PDE11A: variants seen among roughly 807,000 people sequenced by gnomAD.
PDE11A encodes the protein phosphodiesterase 11A, also known as dual 3',5'-cyclic-AMP and -GMP phosphodiesterase 11A.
In PDE11A, 100 loss-of-function variants were observed where a neutral mutation model predicts 100.5. The ratio of observed to expected loss-of-function variants is 1.00; its 90% CI spans 0.85 to 1.18. The LOEUF is 1.18. Ranked by LOEUF, PDE11A falls within the 50% of genes most tolerant of loss-of-function variation. PDE11A has a pLI of 0.00. For missense variants in PDE11A, 1,141 were observed against 1,152.6 expected (o/e 0.99, Z 0.15); for synonymous variants, 381 against 420.8 (o/e 0.91, Z 1.16).
intron 5 of PDE11A, among the ~76,000 whole-genome samples, chr2:177,849,714 C>T (rs1209113112): frequency 4.0e-5 from 6 of 150,750 alleles, no homozygotes; most frequent in South Asian, 2.1e-4. Context: ...GGCGTGAACC[C>T]GGGAGGTGGA....
chr2:177,791,622 C>G (rs1238859230), intron 9 of PDE11A, among the ~76,000 whole-genome samples: 1 of 151,402 alleles, frequency 6.6e-6, no homozygotes, highest in African/African-American at 2.4e-5. Context: ...GTTTATTTGA[C>G]TTTTGCTTAC....
At chr2:177,730,869 T>C (rs376071016) in intron 10 of PDE11A, among the ~76,000 whole-genome samples, 15 of 152,230 alleles carry the variant, frequency 9.9e-5, no homozygotes, top group South Asian at 2.1e-4. Flanking sequence ...TATATGCACA[T>C]TGTCATACAA....
chr2:178,084,385 T>G (rs569222741), intron 2 of PDE11A, among the ~76,000 whole-genome samples: 1 of 152,356 alleles, frequency 6.6e-6, no homozygotes, highest in African/African-American at 2.4e-5. Context: ...GTTATCTAAT[T>G]TCTTCATGCT....
At chr2:177,915,728 G>A (rs2084942873) in intron 2 of PDE11A, among the ~76,000 whole-genome samples, 1 of 152,170 alleles carries the variant, frequency 6.6e-6, no homozygotes, top group Non-Finnish European at 1.5e-5. Flanking sequence ...TGCAATTGCT[G>A]GATTGCATGG....
chr2:177,874,002 T>C (rs1246587502), intron 5 of PDE11A, among the ~76,000 whole-genome samples: 1 of 152,182 alleles, frequency 6.6e-6, no homozygotes, highest in East Asian at 1.9e-4. Flanking sequence ...GTGTATGTTC[T>C]GAGAATTTAG....
At chr2:178,014,239 A>G (rs921499675) in intron 2 of PDE11A, 63 bp downstream of exon 2, 108 of 1,256,292 alleles carry the variant, frequency 8.6e-5, no homozygotes, top group Non-Finnish European at 2.0e-5. Context: ...CTGTCTTTTA[A>G]AGGAGAATAG....
At chr2:177,996,070 T>C (rs995926031) in intron 2 of PDE11A, among the ~76,000 whole-genome samples, 17 of 151,836 alleles carry the variant, frequency 1.1e-4, no homozygotes, top group Non-Finnish European at 1.9e-4. Context: ...CTACTAAAAA[T>C]ACAAAAATCA....
chr2:177,811,653 G>C, intron 9 of PDE11A, among the ~76,000 whole-genome samples: 1 of 151,952 alleles, frequency 6.6e-6, no homozygotes, highest in Non-Finnish European at 1.5e-5. Flanking sequence ...GGACTGCCTT[G>C]CATGGTAAGT....
chr2:177,805,993 T>G (rs988890540), intron 9 of PDE11A, among the ~76,000 whole-genome samples: 1 of 152,150 alleles, frequency 6.6e-6, no homozygotes, highest in Non-Finnish European at 1.5e-5. Context: ...TGGGACCAAT[T>G]GGTTACATAG....
At chr2:177,749,193 T>TTTTGTTTGTTTGTTTG (rs4019842) in intron 10 of PDE11A, among the ~76,000 whole-genome samples, 24 of 149,870 alleles carry the variant, frequency 1.6e-4, no homozygotes, top group East Asian at 8.0e-4. Flanking sequence ...AATACAGGAG[T>TTTTGTTTGTTTGTTTG]TTTGTTTGTT....
Position 177,629,493 on chromosome 2 carries a change from C to T in PDE11A, c.2716G>A (p.Glu906Lys), listed in dbSNP as rs2079885341. ...AGCAGTCGTTTTTGGTGTAGCTCTT[C>T]CCACTTACTTCTGTTTGTAGCTACT... ...DSVATNRSKW[E>K]ELHQKRLLAS... Residue 906 changes from glutamate (E) to lysine (K), a missense_variant, in exon 20 of 20, where the codon GAA becomes AAA. By Grantham distance (56) the Glu-to-Lys change is moderately conservative. Coordinates refer to ENST00000286063, the MANE Select transcript of PDE11A (RefSeq NM_016953.4). 1.9e-6 allele frequency: 3 copies of T among 1,602,436 alleles called. No homozygotes were observed. The highest frequency in any genetic ancestry group is 1.7e-6 in the Non-Finnish European group (2 of 1,172,626).
intron 1 of PDE11A, among the ~76,000 whole-genome samples, chr2:178,050,982 A>G (rs2086818974): frequency 6.6e-6 from 1 of 152,228 alleles, no homozygotes; most frequent in Non-Finnish European, 1.5e-5. Context: ...GCAGACCAAC[A>G]TTCAAATTCA....
intron 10 of PDE11A, among the ~76,000 whole-genome samples, chr2:177,761,487 G>A (rs1210950683): frequency 6.6e-6 from 1 of 152,180 alleles, no homozygotes; most frequent in African/African-American, 2.4e-5. Context: ...GGTGATATAA[G>A]GGTTACCAAA....
At position 177,898,174 on chromosome 2, in the gene PDE11A, G is replaced by A. The variant is rs1249519364; in HGVS notation, c.1186C>T (p.Leu396Phe). The A allele has an allele frequency of 6.2e-7, 1 of 1,608,150 alleles. No homozygotes were observed. Among genetic ancestry groups the A allele is most frequent in the Admixed American group, 1.7e-5 (1 of 59,958 alleles). Reference sequence around the variant, plus strand: ...TCCAGGTCAGTCTGTTCTTCAAAGAGGTCATTAACCACCTCTAGCAAAGCC... The same window carrying A: ...TCCAGGTCAGTCTGTTCTTCAAAGAAGTCATTAACCACCTCTAGCAAAGCC... ...SRALLEVVNDLFEEQTDLEKI... is the reference protein window; with the variant it reads ...SRALLEVVNDFFEEQTDLEKI... The change falls in exon 4 of 20, where the codon CTC becomes TTC. Residue 396 changes from leucine (L) to phenylalanine (F), a missense_variant. Transcript: ENST00000286063.
chr2:177,638,444 T>G (rs181318868), intron 19 of PDE11A, among the ~76,000 whole-genome samples: 1 of 152,154 alleles, frequency 6.6e-6, no homozygotes, highest in East Asian at 1.9e-4. Flanking sequence ...TATCTTAATG[T>G]CTTTTTCTAC....
intron 2 of PDE11A, among the ~76,000 whole-genome samples, chr2:177,980,928 G>A (rs911022714): frequency 6.8e-6 from 1 of 148,120 alleles, no homozygotes; most frequent in East Asian, 2.0e-4. Context: ...AATGAGACAT[G>A]AGGGTGGTGT....
At chr2:177,971,132 C>T (rs564835719) in intron 2 of PDE11A, among the ~76,000 whole-genome samples, 18 of 152,270 alleles carry the variant, frequency 1.2e-4, no homozygotes, top group Admixed American at 2.0e-4. Context: ...TCTTCATGTT[C>T]CAACAAACAT....
intron 17 of PDE11A, among the ~76,000 whole-genome samples, chr2:177,673,587 T>C (rs2080719676): frequency 6.6e-6 from 1 of 152,086 alleles, no homozygotes; most frequent in African/African-American, 2.4e-5. Flanking sequence ...CCAGATCTGT[T>C]GTAGAGACTA....
In PDE11A at chr2:178,072,743, C is replaced by T; in HGVS notation, c.-306G>A. The T allele has an allele frequency of 7.6e-7, 1 of 1,323,280 alleles. No individual in the cohort carries two copies. Among genetic ancestry groups the T allele is most frequent in the South Asian group, 1.5e-5 (1 of 65,806 alleles). 82.0% of individuals were successfully genotyped at this position (1,323,280 alleles called of 1,614,324 possible). On this transcript the variant is annotated 5_prime_UTR_variant, in exon 1 of 20. Transcript: ENST00000286063. The stretch of plus-strand genomic sequence containing the variant: ...CGAGCTATCGCTGCTCCTGTTCTGG[C>T]TGCCGCCGCTGCTGCTGGAACTGCT...
Sources: gnomAD v4.1 joint callset for allele counts (sites outside exome capture counted in the v4.1 genomes callset) on GRCh38, gnomAD v4.1.1 for gene constraint, MANE v1.5 for transcripts, NCBI Gene and HGNC (gene_info 2026-07-23, HGNC 2026-07-21) for gene names.